Variants in NR2C1 observed in about 807,000 individuals in gnomAD.
NR2C1 encodes TR2 nuclear hormone receptor.
Under a neutral mutation model 74.8 loss-of-function variants are expected in NR2C1, and 33 were observed. The ratio of observed to expected loss-of-function variants is 0.44; its 90% CI spans 0.33 to 0.59. NR2C1 has a LOEUF of 0.59. Ranked by LOEUF, NR2C1 falls within the 20% of genes least tolerant of loss-of-function variation. The pLI, the probability that NR2C1 is intolerant of heterozygous loss-of-function variation, is 0.02. For synonymous variants in NR2C1, 225 were observed against 240.6 expected, an observed-to-expected ratio of 0.94 and a Z score of 0.60; for missense variants, 568 against 715.6, an observed-to-expected ratio of 0.79 and a Z score of 2.35.
chr12:95,053,757 C>T (rs773496840), intron 7 of NR2C1, among the ~76,000 whole-genome samples: 5 of 142,856 alleles, frequency 3.5e-5, no homozygotes, highest in East Asian at 2.1e-4. Context: ...GATCTCGGCT[C>T]GCTGCAAGCT....
intron 9 of NR2C1, among the ~76,000 whole-genome samples, chr12:95,043,878 T>C (rs983897802): frequency 2.0e-5 from 3 of 152,196 alleles, no homozygotes; most frequent in Non-Finnish European, 4.4e-5. Context: ...GGACTCGTTA[T>C]TTAAAATATT....
chr12:95,046,015 T>A (rs1324409124), intron 9 of NR2C1, among the ~76,000 whole-genome samples: 1 of 152,094 alleles, frequency 6.6e-6, no homozygotes, highest in African/African-American at 2.4e-5. Context: ...AATTTTTGTA[T>A]TTTTAGTAAA....
intron 12 of NR2C1, among the ~76,000 whole-genome samples, chr12:95,026,166 T>A (rs1276559972): frequency 6.7e-6 from 1 of 149,364 alleles, no homozygotes; most frequent in African/African-American, 2.5e-5. Context: ...GAGATTGTGC[T>A]ACTGCACTCC....
At chr12:95,056,754 C>A (rs1307829999) in intron 7 of NR2C1, among the ~76,000 whole-genome samples, 3 of 152,076 alleles carry the variant, frequency 2.0e-5, no homozygotes, top group East Asian at 3.9e-4. Context: ...GTCAGGCGAT[C>A]GAGACCATCC....
At chr12:95,030,996 TAAAG>T (rs1202786625) in intron 11 of NR2C1, 5 of 797,298 alleles carry the variant, frequency 6.3e-6, no homozygotes, top group East Asian at 2.7e-5. Flanking sequence ...AGGGCTATAA[TAAAG>T]AAAGGTCATT....
At chr12:95,065,153 CTT>C (rs924830602) in intron 2 of NR2C1, among the ~76,000 whole-genome samples, 1 of 152,094 alleles carries the variant, frequency 6.6e-6, no homozygotes, top group African/African-American at 2.4e-5. Flanking sequence ...TTTTAGGACT[CTT>C]TATATTCTAA....
In NR2C1 at chr12:95,073,447, T is replaced by G. The variant is rs1461454633; in HGVS notation, c.-75A>C. ...GCGACAGTCCCGCGGCTGCCACTCG[T>G]GGATTGGGGGGCGCTCCGGGAAGAG... On this transcript the variant is annotated 5_prime_UTR_variant, in exon 1 of 14. Transcript: ENST00000333003. 6.6e-6 allele frequency: 1 copy of G among 152,184 alleles called. No homozygotes were observed. The allele number at this position is 152,184 out of a possible 1,614,324, so 9.4% of individuals were successfully genotyped here.
chr12:95,050,601 G>A (rs1424650580), intron 8 of NR2C1, among the ~76,000 whole-genome samples: 1 of 151,766 alleles, frequency 6.6e-6, no homozygotes, highest in African/African-American at 2.4e-5. Flanking sequence ...ACGCCACCGT[G>A]CCCGGCCAAT....
chr12:95,071,692 A>C (rs902848280), intron 1 of NR2C1, among the ~76,000 whole-genome samples: 1 of 152,072 alleles, frequency 6.6e-6, no homozygotes, highest in African/African-American at 2.4e-5. Flanking sequence ...AACCTTTCCT[A>C]GAAGAAACTA....
chr12:95,030,041 T>G (rs768081639), intron 11 of NR2C1, among the ~76,000 whole-genome samples: 10 of 152,114 alleles, frequency 6.6e-5, no homozygotes, highest in Non-Finnish European at 1.3e-4. Flanking sequence ...GGCCAGCTAA[T>G]TTTTAAAAAA....
intron 10 of NR2C1, among the ~76,000 whole-genome samples, chr12:95,035,631 A>T (rs756762644): frequency 2.6e-5 from 4 of 152,212 alleles, no homozygotes; most frequent in Admixed American, 6.5e-5. Context: ...AACCTACCAG[A>T]TTATTGTGTT....
chr12:95,072,610 G>C (rs548234895), intron 1 of NR2C1: 6 of 152,032 alleles, frequency 3.9e-5, no homozygotes, highest in African/African-American at 1.5e-4. Flanking sequence ...TTTGCTTTCC[G>C]GTTACTTTTT....
At position 95,028,528 on chromosome 12, in the gene NR2C1, T is replaced by C; in HGVS notation, c.1394-4A>G. 3 of 1,475,348 alleles carry C rather than the reference T, an allele frequency of 2.0e-6. No homozygotes were observed. Among genetic ancestry groups the C allele is most frequent in the Middle Eastern group, 1.9e-4 (1 of 5,198 alleles). The allele number at this position is 1,475,348 out of a possible 1,614,324, so 91.4% of individuals were successfully genotyped here. ...CTTCTTTCTGTTGACATTTTATCTT[T>C]AATTAAAAATAAACAAATGCTTCTA... On this transcript the variant is annotated splice_polypyrimidine_tract_variant and splice_region_variant and intron_variant, in intron 11 of 13. Transcript: ENST00000333003.
intron 10 of NR2C1, 78 bp from the exon 11 acceptor site, chr12:95,031,566 C>A: frequency 9.1e-7 from 1 of 1,100,906 alleles, no homozygotes; most frequent in Non-Finnish European, 1.2e-6. Flanking sequence ...AGTCCAAATA[C>A]TTAAAAACAG....
chr12:95,022,374 G>A lies in NR2C1; in HGVS notation c.1667C>T (p.Ala556Val). 6.2e-7 allele frequency: 1 copy of A among 1,612,862 alleles called. No homozygotes were observed. The highest frequency in any genetic ancestry group is 8.5e-7 in the Non-Finnish European group (1 of 1,179,774). ...RLSRLLLRLP[A>V]LRLMNATITE... is the part of the protein sequence containing the mutation. ...GATGGTAGCATTCATCAGTCTTAAA[G>A]CTGGCAATCTGAGTAGTAGTCTGGA... The change falls in exon 14 of 14, where the codon GCT becomes GTT. Residue 556 changes from alanine (A) to valine (V), a missense_variant. Ala to Val is a moderately conservative substitution (Grantham distance 64). Transcript: ENST00000333003.
At chr12:95,049,012 G>A in intron 9 of NR2C1, 56 bp downstream of exon 9, 1 of 1,440,328 alleles carries the variant, frequency 6.9e-7, no homozygotes, top group South Asian at 1.2e-5. Context: ...ATTTTTGAAA[G>A]GTAGATCAAA....
intron 9 of NR2C1, among the ~76,000 whole-genome samples, chr12:95,048,658 C>T (rs1365937546): frequency 5.4e-5 from 7 of 129,314 alleles, no homozygotes; most frequent in Non-Finnish European, 6.3e-5. Context: ...GAGTTTTGCT[C>T]TTGTTGCCCA....
intron 9 of NR2C1, among the ~76,000 whole-genome samples, chr12:95,043,133 C>T (rs1224361784): frequency 6.6e-6 from 1 of 151,976 alleles, no homozygotes; most frequent in Non-Finnish European, 1.5e-5. Context: ...TGGTGGTGTG[C>T]ACCTATAATC....
At chr12:95,072,463 AAAAAAAAAAAAG>A (rs1332927288) in intron 1 of NR2C1, among the ~76,000 whole-genome samples, 10 of 150,756 alleles carry the variant, frequency 6.6e-5, no homozygotes, top group Admixed American at 6.6e-4. Context: ...CTCAAAAAAA[AAAAAAAAAAAAG>A]AAAAAAAAAT....
Sources: allele counts gnomAD v4.1 joint callset (sites outside exome capture counted in the v4.1 genomes callset), GRCh38; gene constraint gnomAD v4.1.1; transcripts MANE v1.5; gene names NCBI Gene and HGNC (gene_info 2026-07-23, HGNC 2026-07-21).